Variants in MTMR12 observed in about 807,000 individuals in gnomAD.
MTMR12 encodes the protein myotubularin-related protein 12.
MTMR12 carries 33 observed loss-of-function variants against 96.7 expected under a neutral mutation model. The ratio of observed to expected loss-of-function variants is 0.34; its 90% CI spans 0.26 to 0.46. The LOEUF (loss-of-function observed/expected upper bound fraction) is 0.46. Ranked by LOEUF, MTMR12 falls within the 20% of genes least tolerant of loss-of-function variation. The probability of loss-of-function intolerance (pLI) is 1.00; values close to 1 mark genes in which losing one functional copy is unlikely to be tolerated. For missense variants in MTMR12, 721 were observed against 896.1 expected (o/e 0.80, Z 2.49); for synonymous variants, 298 against 327.2 (o/e 0.91, Z 0.96).
chr5:32,283,055 T>G lies in MTMR12; in HGVS notation c.82-6313A>C, dbSNP rs116615226. Among the ~76,000 whole-genome samples the G allele has an allele frequency of 8.7e-3, 1,324 of 152,334 alleles. 14 individuals are homozygous for G. Among genetic ancestry groups the G allele is most frequent in the African/African-American group, 0.03 (1,260 of 41,572 alleles). On this transcript the variant is annotated intron_variant, in intron 1 of 15. Coordinates refer to ENST00000382142, the MANE Select transcript of MTMR12 (RefSeq NM_001040446.3). ...ATGTGCTGAGTCCTACATGTGGATC[T>G]TGGAGTGGGTTCCCCTGAAATTCCC...
chr5:32,243,456 G>A, intron 11 of MTMR12, 65 bp downstream of exon 11: 1 of 1,136,548 alleles, frequency 8.8e-7, no homozygotes, highest in Non-Finnish European at 1.3e-6. Context: ...TTATTTGTCG[G>A]TTTGATCTAC....
intron 1 of MTMR12, among the ~76,000 whole-genome samples, chr5:32,293,100 T>C (rs1298964267): frequency 1.3e-5 from 2 of 152,224 alleles, no homozygotes; most frequent in Non-Finnish European, 2.9e-5. Context: ...GACCTTACTA[T>C]TGTCTTTATT....
intron 7 of MTMR12, among the ~76,000 whole-genome samples, chr5:32,256,350 A>G (rs192263855): frequency 2.4e-4 from 36 of 152,340 alleles, no homozygotes; most frequent in African/African-American, 8.7e-4. Context: ...GATATGTAAT[A>G]TTATTTCCAT....
At chr5:32,288,327 T>C (rs1272041168) in intron 1 of MTMR12, among the ~76,000 whole-genome samples, 4 of 152,252 alleles carry the variant, frequency 2.6e-5, no homozygotes, top group South Asian at 2.1e-4. Context: ...CATACTGCCA[T>C]CAGCCTTTCC....
intron 12 of MTMR12, among the ~76,000 whole-genome samples, chr5:32,240,877 A>T (rs1581592921): frequency 1.3e-5 from 2 of 152,190 alleles, no homozygotes; most frequent in African/African-American, 4.8e-5. Flanking sequence ...CTGGGATTAC[A>T]GGTGTGAGCC....
rs144772781 is a variant in MTMR12, at chr5:32,230,010, A to G, written c.2012T>C (p.Val671Ala). The change falls in exon 16 of 16, where the codon GTC (valine) becomes GCC (alanine). Residue 671 changes from valine to alanine, a missense_variant. Val to Ala is a moderately conservative substitution (Grantham distance 64). Coordinates refer to ENST00000382142, the MANE Select transcript of MTMR12 (RefSeq NM_001040446.3). ...GTCGATCTTCTCTTGTAAACTCTGG[A>G]CTTCCTCCATCATTTCCAAGAGTTT... ...LSKLLEMMEEVQSLQEKIDER... is the reference protein window; with the variant it reads ...LSKLLEMMEEAQSLQEKIDER... The G allele has an allele frequency of 1.9e-6, 3 of 1,613,298 alleles. No individual in the cohort carries two copies. The African/African-American group carries it at 4.0e-5, about 22-fold the overall frequency.
At chr5:32,253,547 A>G (rs367970592) in intron 8 of MTMR12, among the ~76,000 whole-genome samples, 1 of 152,184 alleles carries the variant, frequency 6.6e-6, no homozygotes, top group African/African-American at 2.4e-5. Context: ...CTGTTCATTC[A>G]CACAAACTCC....
In MTMR12 at chr5:32,242,910, G is replaced by T. The variant is rs115150289; in HGVS notation, c.1100+611C>A. On this transcript the variant is annotated intron_variant, in intron 11 of 15. Transcript: ENST00000382142. ...AGAATGGAGGGAGAATGTGTGTGAG[G>T]CAGTAGGAAGCATTGCTCTCCCTCC... Among the ~76,000 whole-genome samples the T allele has an allele frequency of 7.3e-3, 1,115 of 152,208 alleles. 18 individuals carry two copies. The highest frequency in any genetic ancestry group is 0.025 in the African/African-American group (1,057 of 41,516).
intron 10 of MTMR12, chr5:32,247,640 G>A (rs1195374419): frequency 9.3e-6 from 7 of 756,416 alleles, no homozygotes; most frequent in African/African-American, 5.7e-5. Context: ...AGAGGAAAAC[G>A]AACATTATTC....
At chr5:32,305,658 C>CT (rs1751325741) in intron 1 of MTMR12, among the ~76,000 whole-genome samples, 1 of 152,078 alleles carries the variant, frequency 6.6e-6, no homozygotes, top group Admixed American at 6.6e-5. Flanking sequence ...AATCCCAGCA[C>CT]TTTGGGAGGC....
chr5:32,274,532 A>G (rs917283393), intron 2 of MTMR12, among the ~76,000 whole-genome samples: 6 of 152,158 alleles, frequency 3.9e-5, no homozygotes, highest in Non-Finnish European at 5.9e-5. Context: ...CTGCCCTAAA[A>G]AAACGCAGAT....
chr5:32,301,728 T>C (rs1011674807), intron 1 of MTMR12, among the ~76,000 whole-genome samples: 1 of 151,942 alleles, frequency 6.6e-6, no homozygotes, highest in Non-Finnish European at 1.5e-5. Flanking sequence ...CTGTCTCTAC[T>C]AAAAATACAA....
At chr5:32,277,393 C>CA (rs1371458363) in intron 1 of MTMR12, among the ~76,000 whole-genome samples, 1 of 152,128 alleles carries the variant, frequency 6.6e-6, no homozygotes, top group Non-Finnish European at 1.5e-5. Context: ...GCTGCTCAAA[C>CA]ACAGAATCTG....
At chr5:32,278,840 G>T (rs1188580272) in intron 1 of MTMR12, among the ~76,000 whole-genome samples, 1 of 152,120 alleles carries the variant, frequency 6.6e-6, no homozygotes, top group Admixed American at 6.5e-5. Flanking sequence ...CACTTTGGGA[G>T]GCCGAGGTGG....
intron 1 of MTMR12, among the ~76,000 whole-genome samples, chr5:32,299,055 G>A (rs74930007): frequency 0.02 from 3,023 of 149,072 alleles, 104 homozygotes; most frequent in African/African-American, 0.071. Flanking sequence ...ACATGAATGC[G>A]CACACACACA....
chr5:32,309,073 T>C (rs1405520638), intron 1 of MTMR12, among the ~76,000 whole-genome samples: 3 of 126,358 alleles, frequency 2.4e-5, no homozygotes, highest in African/African-American at 8.8e-5. Context: ...TGTGACCACT[T>C]CAGGCTTATT....
In MTMR12 at chr5:32,251,433, A is replaced by AG. The variant is rs149145370; in HGVS notation, c.790-2556dup. Among the ~76,000 whole-genome samples the AG allele has an allele frequency of 7.3e-3, 1,113 of 152,262 alleles. 14 individuals carry two copies. Among genetic ancestry groups the AG allele is most frequent in the African/African-American group, 0.025 (1,037 of 41,550 alleles). On this transcript the variant is annotated intron_variant, in intron 8 of 15. Transcript: ENST00000382142. ...AGGCCAAGGGAGTACAATGTTTCCA[A>AG]GGCCAGGACAGGAACTTAAAAGACA...
At chr5:32,237,586 C>T (rs1417197044) in intron 13 of MTMR12, among the ~76,000 whole-genome samples, 1 of 152,094 alleles carries the variant, frequency 6.6e-6, no homozygotes, top group African/African-American at 2.4e-5. Context: ...TCTTGGCTCA[C>T]TGCAACCTCT....
intron 7 of MTMR12, among the ~76,000 whole-genome samples, chr5:32,259,810 C>T (rs1225351191): frequency 9.9e-5 from 15 of 151,708 alleles, no homozygotes; most frequent in African/African-American, 3.1e-4. Flanking sequence ...CTGAGGCAGG[C>T]GGATCACTTG....
Sources: gnomAD v4.1 joint callset for allele counts (sites outside exome capture counted in the v4.1 genomes callset) on GRCh38, gnomAD v4.1.1 for gene constraint, MANE v1.5 for transcripts, NCBI Gene and HGNC (gene_info 2026-07-23, HGNC 2026-07-21) for gene names.